Variants in MSH3 observed in about 807,000 individuals in gnomAD.
MSH3 encodes the protein mutS homolog 3, also known as DNA mismatch repair protein Msh3.
MSH3 carries 106 observed loss-of-function variants against 123.3 expected under a neutral mutation model. The observed-to-expected ratio is 0.86, with a 90% confidence interval of 0.73 to 1.01. MSH3 has a LOEUF of 1.01. MSH3 is among the 50% of genes least tolerant of loss of function. The pLI, the probability that MSH3 is intolerant of heterozygous loss-of-function variation, is 0.00. For missense variants in MSH3, 1,459 were observed against 1,347.6 expected (o/e 1.08, Z -1.29); for synonymous variants, 515 against 481.4 (o/e 1.07, Z -0.91).
chr5:80,853,414 G>T (rs1449757233), intron 20 of MSH3, among the ~76,000 whole-genome samples: 1 of 151,968 alleles, frequency 6.6e-6, no homozygotes, highest in Non-Finnish European at 1.5e-5. Context: ...GGCAGAGGTT[G>T]TAGTGAGCCG....
At chr5:80,758,164 A>G (rs982333156) in intron 12 of MSH3, among the ~76,000 whole-genome samples, 1 of 152,228 alleles carries the variant, frequency 6.6e-6, no homozygotes, top group Non-Finnish European at 1.5e-5. Context: ...CTTTTCTTGT[A>G]TAATTCCCAC....
chr5:80,722,055 A>G (rs1705098376), intron 8 of MSH3, among the ~76,000 whole-genome samples: 2 of 152,242 alleles, frequency 1.3e-5, no homozygotes, highest in African/African-American at 2.4e-5. Context: ...TATATAAACT[A>G]TAGATTTTCT....
At chr5:80,859,712 C>CT (rs373044585) in intron 21 of MSH3, among the ~76,000 whole-genome samples, 16,363 of 129,954 alleles carry the variant, frequency 0.13, 976 homozygotes, top group African/African-American at 0.2. Context: ...CATTTTCTCT[C>CT]TTTTTTTTTT....
At chr5:80,852,818 T>G (rs1032765209) in intron 20 of MSH3, among the ~76,000 whole-genome samples, 6 of 152,182 alleles carry the variant, frequency 3.9e-5, no homozygotes, top group African/African-American at 1.2e-4. Context: ...GACCATGACT[T>G]TCTTAAGAAA....
rs1336967163 is a variant in MSH3, at chr5:80,744,738, T to G, written c.1763+123T>G. 5.2e-6 allele frequency: 4 copies of G among 763,620 alleles called. No individual in the cohort carries two copies. In the Admixed American group the frequency reaches 8.5e-5, roughly 16 times the overall value. The allele number at this position is 763,620 out of a possible 1,614,324, so 47.3% of individuals were successfully genotyped here. A position where few individuals can be genotyped will look rare whatever the true frequency, so the allele number is the denominator to read the frequency against. ...AGTTTTAAATTGGAGAACATTTTAT[T>G]TTAGAACTGAGCAATAGACTGGCTC... On this transcript the variant is annotated intron_variant, in intron 12 of 23. Transcript: ENST00000265081.
intron 12 of MSH3, among the ~76,000 whole-genome samples, chr5:80,745,134 T>G (rs1274058793): frequency 6.6e-6 from 1 of 152,178 alleles, no homozygotes; most frequent in Admixed American, 6.5e-5. Context: ...TAAGGGAAGA[T>G]ACTTGAATCC....
intron 20 of MSH3, among the ~76,000 whole-genome samples, chr5:80,837,891 G>T (rs575341173): frequency 1.3e-5 from 2 of 152,114 alleles, no homozygotes; most frequent in Admixed American, 6.5e-5. Context: ...AATTACCCAG[G>T]TTGCTGGCAG....
intron 13 of MSH3, among the ~76,000 whole-genome samples, chr5:80,763,003 T>C (rs1371837349): frequency 6.6e-6 from 1 of 151,962 alleles, no homozygotes; most frequent in Admixed American, 6.6e-5. Context: ...CCCGCCACTA[T>C]GCCTGGCTAA....
intron 18 of MSH3, among the ~76,000 whole-genome samples, chr5:80,789,996 G>T (rs1252799782): frequency 6.6e-6 from 1 of 152,186 alleles, no homozygotes; most frequent in African/African-American, 2.4e-5. Flanking sequence ...CCAACTTTAA[G>T]TGAGGGTATG....
intron 8 of MSH3, among the ~76,000 whole-genome samples, chr5:80,706,661 C>T (rs1392862267): frequency 6.6e-6 from 1 of 152,106 alleles, no homozygotes; most frequent in African/African-American, 2.4e-5. Flanking sequence ...ATAGAATATA[C>T]TTTTTGAAGT....
chr5:80,714,705 T>A (rs1349992650), intron 8 of MSH3, among the ~76,000 whole-genome samples: 1 of 152,200 alleles, frequency 6.6e-6, no homozygotes, highest in African/African-American at 2.4e-5. Flanking sequence ...AAACAAAATT[T>A]TAATTAGAAC....
intron 19 of MSH3, 95 bp downstream of exon 19, chr5:80,792,939 C>T: frequency 1.2e-6 from 1 of 822,206 alleles, no homozygotes; most frequent in Non-Finnish European, 2.0e-6. Context: ...ACCCAAATTT[C>T]AACTTTGGCT....
chr5:80,778,320 A>C (rs541107921), intron 16 of MSH3, among the ~76,000 whole-genome samples: 1 of 152,306 alleles, frequency 6.6e-6, no homozygotes, highest in Non-Finnish European at 1.5e-5. Flanking sequence ...CATACAGAAA[A>C]GCCCATAAAA....
intron 20 of MSH3, 51 bp downstream of exon 20, chr5:80,813,792 A>G: frequency 6.3e-7 from 1 of 1,585,466 alleles, no homozygotes; most frequent in Non-Finnish European, 8.7e-7. Context: ...AGTCAAGCCC[A>G]CATTATCGCA....
chr5:80,811,020 A>C (rs983630185), intron 19 of MSH3, among the ~76,000 whole-genome samples: 6 of 148,514 alleles, frequency 4.0e-5, no homozygotes, highest in Admixed American at 2.7e-4. Context: ...TTGTAATGCA[A>C]ATATTTCAAG....
chr5:80,693,494 T>C (rs1580567076), intron 8 of MSH3, among the ~76,000 whole-genome samples: 1 of 150,630 alleles, frequency 6.6e-6, no homozygotes, highest in South Asian at 2.1e-4. Context: ...AATATGCACA[T>C]GTATATGTTT....
At chr5:80,774,616 G>A (rs1288310200) in intron 15 of MSH3, among the ~76,000 whole-genome samples, 1 of 152,136 alleles carries the variant, frequency 6.6e-6, no homozygotes, top group East Asian at 1.9e-4. Flanking sequence ...TCACAACAGA[G>A]TACTATACAG....
intron 16 of MSH3, 48 bp downstream of exon 16, chr5:80,775,806 T>G: frequency 1.1e-6 from 1 of 948,152 alleles, no homozygotes; most frequent in Non-Finnish European, 1.7e-6. Flanking sequence ...TGATGACATC[T>G]GTATATCTAT....
intron 20 of MSH3, among the ~76,000 whole-genome samples, chr5:80,838,861 A>G (rs1315643990): frequency 2.0e-5 from 3 of 152,172 alleles, no homozygotes; most frequent in Admixed American, 2.0e-4. Flanking sequence ...TAAATTTTTA[A>G]TTACGACATT....
Sources: gnomAD v4.1 joint callset for allele counts (sites outside exome capture counted in the v4.1 genomes callset) on GRCh38, gnomAD v4.1.1 for gene constraint, MANE v1.5 for transcripts, NCBI Gene and HGNC (gene_info 2026-07-23, HGNC 2026-07-21) for gene names.